The following CERK variants were observed in gnomAD, a reference collection of about 807,000 sequenced individuals.
The protein encoded by CERK is acylsphingosine kinase.
Under a neutral mutation model 63.4 loss-of-function variants are expected in CERK, and 39 were observed. That is an observed-to-expected ratio of 0.61 (90% CI 0.48 to 0.80). The LOEUF (loss-of-function observed/expected upper bound fraction) is 0.80, where lower values mean the gene tolerates loss of function less well. Ranked by LOEUF, CERK falls within the 30% of genes least tolerant of loss-of-function variation. The probability of loss-of-function intolerance (pLI) is 0.00; values close to 1 mark genes in which losing one functional copy is unlikely to be tolerated. For missense variants in CERK, 670 were observed against 714.1 expected, an observed-to-expected ratio of 0.94 and a Z score of 0.70; for synonymous variants, 302 against 280.0, an observed-to-expected ratio of 1.08 and a Z score of -0.78.
chr22:46,690,122 C>G lies in CERK; in HGVS notation c.1411G>C (p.Asp471His), dbSNP rs765728260. The G allele has an allele frequency of 1.2e-6, 2 of 1,614,072 alleles. No individual in the cohort carries two copies. Among genetic ancestry groups the G allele is most frequent in the South Asian group, 1.1e-5 (1 of 91,076 alleles). The change falls in exon 12 of 13, where the codon GAC (aspartate) becomes CAC (histidine). Residue 471 changes from aspartate (D) to histidine (H), a missense_variant. Physicochemically the swap from Asp to His is moderately conservative, Grantham distance 81 (BLOSUM62 -1). Transcript: ENST00000216264. ...TSKHMEDEDS[D>H]LKEGGKKRFG... ...CGCTTCTTCCCCCCCTCCTTGAGGT[C>G]GCTGTCCTCATCCTCCATGTGCTTC... is the stretch of plus-strand genomic sequence containing the variant.
intron 5 of CERK, among the ~76,000 whole-genome samples, chr22:46,709,260 G>C (rs2082828645): frequency 1.3e-5 from 2 of 152,222 alleles, no homozygotes; most frequent in South Asian, 4.1e-4. Context: ...CCTGGGTTTG[G>C]GGAGAAGGCG....
At chr22:46,697,705 A>G (rs887918267) in intron 8 of CERK, among the ~76,000 whole-genome samples, 8 of 152,134 alleles carry the variant, frequency 5.3e-5, no homozygotes, top group Admixed American at 5.2e-4. Context: ...GGGTTTCACC[A>G]TGTTGGCGAG....
At chr22:46,696,355 C>T (rs2082756247) in intron 8 of CERK, among the ~76,000 whole-genome samples, 7 of 152,186 alleles carry the variant, frequency 4.6e-5, no homozygotes, top group Admixed American at 4.6e-4. Context: ...GGCCTCTCTC[C>T]CTGCTCCTCC....
chr22:46,695,447 G>C, intron 8 of CERK, 132 bp from the exon 9 acceptor site: 1 of 676,762 alleles, frequency 1.5e-6, no homozygotes. Flanking sequence ...GAGAGGCCGG[G>C]CCTGCTTCAG....
intron 1 of CERK, among the ~76,000 whole-genome samples, chr22:46,728,188 G>T (rs2082929039): frequency 6.6e-6 from 1 of 152,104 alleles, no homozygotes; most frequent in Non-Finnish European, 1.5e-5. Flanking sequence ...ACTCCATGCT[G>T]TCAGGTCGCG....
intron 6 of CERK, among the ~76,000 whole-genome samples, chr22:46,706,120 C>T (rs943635513): frequency 6.6e-6 from 1 of 152,264 alleles, no homozygotes; most frequent in African/African-American, 2.4e-5. Context: ...TGTGTGAACA[C>T]AGAGCTCGAC....
chr22:46,737,648 C>T (rs2082981666), intron 1 of CERK, among the ~76,000 whole-genome samples: 1 of 152,214 alleles, frequency 6.6e-6, no homozygotes, highest in Non-Finnish European at 1.5e-5. Flanking sequence ...GCCTGGCACC[C>T]CCCCTCGGGA....
rs2082732101 is a variant in CERK, at chr22:46,691,635, G to A, written c.1269C>T (p.Ile423=). The A allele has an allele frequency of 1.2e-6, 2 of 1,613,896 alleles. No individual in the cohort carries two copies. Among genetic ancestry groups the A allele is most frequent in the African/African-American group, 1.3e-5 (1 of 74,924 alleles). ...LGDGSSDLIL[I]RKCSRFNFLR... ...GAAAATTGAACCTGGAGCATTTCCG[G>A]ATGAGGATGAGGTCAGAAGACCCGT... The change falls in exon 11 of 13, where the codon ATC becomes ATT. Residue 423 remains isoleucine, a synonymous_variant. Transcript: ENST00000216264.
At chr22:46,734,527 A>T (rs2082962614) in intron 1 of CERK, among the ~76,000 whole-genome samples, 1 of 152,232 alleles carries the variant, frequency 6.6e-6, no homozygotes, top group South Asian at 2.1e-4. Context: ...AAAACAGCCC[A>T]GGGCCCAGGA....
chr22:46,695,060 C>T, intron 9 of CERK, 150 bp downstream of exon 9: 1 of 582,636 alleles, frequency 1.7e-6, no homozygotes, highest in Non-Finnish European at 3.1e-6. Flanking sequence ...ACGCCTAGGC[C>T]ATCATGGGCA....
chr22:46,693,407 G>A lies in CERK; in HGVS notation c.1126+20C>T, dbSNP rs190342358. 3.7e-6 allele frequency: 6 copies of A among 1,601,292 alleles called. No individual in the cohort carries two copies. The Admixed American group carries it at 8.3e-5, about 22-fold the overall frequency. Reference sequence around the variant, plus strand: ...CCAGCACACACAGTGACAACACTGAGCCTGTGTTTTAGGAATTACCCGCAG... The same window carrying A: ...CCAGCACACACAGTGACAACACTGAACCTGTGTTTTAGGAATTACCCGCAG... On this transcript the variant is annotated intron_variant, in intron 10 of 12. Transcript: ENST00000216264.
In CERK at chr22:46,687,257, CT is replaced by C. The variant is rs762672451; in HGVS notation, c.1542-52del. 7 of 1,494,558 alleles carry C rather than the reference CT, an allele frequency of 4.7e-6. No homozygotes were observed. The African/African-American group carries it at 1.1e-4, about 23-fold the overall frequency. 92.6% of individuals were successfully genotyped at this position (1,494,558 alleles called of 1,614,324 possible). A position where few individuals can be genotyped will look rare whatever the true frequency, so the allele number is the denominator to read the frequency against. Reference sequence around the variant, plus strand: ...AACCCCACGTGTCCCTCACTCAAAGCTGGCCTGAGCCCCACTCCTGGACAGG... The same window carrying C: ...AACCCCACGTGTCCCTCACTCAAAGCGGCCTGAGCCCCACTCCTGGACAGG... On this transcript the variant is annotated intron_variant, in intron 12 of 12. Transcript: ENST00000216264.
At chr22:46,733,618 A>G (rs1343435210) in intron 1 of CERK, among the ~76,000 whole-genome samples, 1 of 151,448 alleles carries the variant, frequency 6.6e-6, no homozygotes, top group Non-Finnish European at 1.5e-5. Context: ...TAAATTTATG[A>G]TATCTTACAA....
At chr22:46,695,125 G>T in intron 9 of CERK, 85 bp downstream of exon 9, 1 of 764,594 alleles carries the variant, frequency 1.3e-6, no homozygotes, top group Non-Finnish European at 2.2e-6. Flanking sequence ...ACCACATTTG[G>T]AAAATACTTC....
intron 3 of CERK, among the ~76,000 whole-genome samples, chr22:46,716,300 C>G (rs929208437): frequency 6.6e-6 from 1 of 151,672 alleles, no homozygotes; most frequent in Non-Finnish European, 1.5e-5. Context: ...AAGTGATTCT[C>G]CTGCCTCAGC....
At chr22:46,726,588 A>G (rs1440731604) in intron 1 of CERK, among the ~76,000 whole-genome samples, 1 of 152,184 alleles carries the variant, frequency 6.6e-6, no homozygotes, top group Non-Finnish European at 1.5e-5. Context: ...ATGCAAACGC[A>G]TTTCCCTGGC....
Position 46,686,984 on chromosome 22 carries a change from T to G in CERK, c.*150A>C, listed in dbSNP as rs763653795. 1 of 715,080 alleles carries G rather than the reference T, an allele frequency of 1.4e-6. No homozygotes were observed. The highest frequency in any genetic ancestry group is 2.3e-6 in the Non-Finnish European group (1 of 440,718). The allele number at this position is 715,080 out of a possible 1,614,324, so 44.3% of individuals were successfully genotyped here. A position where few individuals can be genotyped will look rare whatever the true frequency, so the allele number is the denominator to read the frequency against. ...AAAATGCCAAATATGTACACAAAATTGTTGACAAAAGGGTTTTCTTCTAAA... is the reference window on the plus strand; with the variant it reads ...AAAATGCCAAATATGTACACAAAATGGTTGACAAAAGGGTTTTCTTCTAAA... On this transcript the variant is annotated 3_prime_UTR_variant, in exon 13 of 13. Transcript: ENST00000216264.
intron 1 of CERK, among the ~76,000 whole-genome samples, chr22:46,725,315 C>T (rs901950048): frequency 1.3e-5 from 2 of 152,014 alleles, no homozygotes; most frequent in African/African-American, 2.4e-5. Flanking sequence ...CACTTGCCAG[C>T]GTCCACCGGT....
Position 46,720,987 on chromosome 22 carries a change from G to A in CERK, c.171C>T (p.Ile57=). The change falls in exon 2 of 13, where the codon ATC becomes ATT. Residue 57 remains isoleucine, a synonymous_variant. Transcript: ENST00000216264. Reference sequence around the variant, plus strand: ...GAACGTCTGTTTCCTCAACGGCGATGATCTCAGATACAGGCACAGAGCAGG... The same window carrying A: ...GAACGTCTGTTTCCTCAACGGCGATAATCTCAGATACAGGCACAGAGCAGG... ...ADACSVPVSE[I]IAVEETDVHG... is the part of the protein sequence containing the mutation. 1 of 1,613,508 alleles carries A rather than the reference G, an allele frequency of 6.2e-7. No individual in the cohort carries two copies. The highest frequency in any genetic ancestry group is 1.3e-5 in the African/African-American group (1 of 75,044).
Sources: gnomAD v4.1 joint callset for allele counts (sites outside exome capture counted in the v4.1 genomes callset) on GRCh38, gnomAD v4.1.1 for gene constraint, MANE v1.5 for transcripts, NCBI Gene and HGNC (gene_info 2026-07-23, HGNC 2026-07-21) for gene names.